The following FRMD8 variants were observed in gnomAD, a reference collection of about 807,000 sequenced individuals.
The protein encoded by FRMD8 is FERM domain containing 8, also known as FERM domain-containing protein 8.
Under a neutral mutation model 54.2 loss-of-function variants are expected in FRMD8, and 37 were observed. The observed-to-expected ratio is 0.68, with a 90% CI of 0.53 to 0.90. The LOEUF is 0.90. Ranked by LOEUF, FRMD8 falls within the 40% of genes least tolerant of loss-of-function variation. The probability of loss-of-function intolerance (pLI) is 0.00; values close to 1 mark genes in which losing one functional copy is unlikely to be tolerated. For synonymous variants in FRMD8, 246 were observed against 286.9 expected (o/e 0.86, Z 1.44); for missense variants, 585 against 653.7 (o/e 0.89, Z 1.15).
chr11:65,401,217 C>CTT (rs1856071459), intron 9 of FRMD8, among the ~76,000 whole-genome samples: 1 of 152,010 alleles, frequency 6.6e-6, no homozygotes, highest in Non-Finnish European at 1.5e-5. Flanking sequence ...CTGCGGTGGG[C>CTT]GTGGAAACGT....
At chr11:65,370,624 C>T in the FRMD8 span, among the ~76,000 whole-genome samples, 3 of 151,534 alleles carry the variant, frequency 2.0e-5, no homozygotes, top group Admixed American at 6.6e-5. Flanking sequence ...TGCTTAAACC[C>T]GGGAAGCAGA....
the FRMD8 span, chr11:65,380,609 C>A: frequency 7.7e-7 from 1 of 1,293,306 alleles, no homozygotes; most frequent in Non-Finnish European, 1.0e-6. Flanking sequence ...CTGCTGCCAG[C>A]TGGCCACGCA....
chr11:65,405,722 G>A (rs913121382), intron 10 of FRMD8, among the ~76,000 whole-genome samples: 8 of 152,086 alleles, frequency 5.3e-5, no homozygotes, highest in Non-Finnish European at 1.0e-4. Context: ...TACCCAGGCC[G>A]GGTGCAGTGT....
the FRMD8 span, chr11:65,378,230 A>G: frequency 6.6e-6 from 1 of 152,168 alleles, no homozygotes; most frequent in African/African-American, 2.4e-5. Flanking sequence ...GGAGTGTCAG[A>G]TGCCATTTCA....
rs1178375814 is a variant in FRMD8, at chr11:65,400,940, C to G, written c.1071+73C>G. 23 of 1,480,124 alleles carry G rather than the reference C, an allele frequency of 1.6e-5. No individual in the cohort carries two copies. Among genetic ancestry groups the G allele is most frequent in the Admixed American group, 2.3e-5 (1 of 43,678 alleles). The allele number at this position is 1,480,124 out of a possible 1,614,324, so 91.7% of individuals were successfully genotyped here. On this transcript the variant is annotated intron_variant, in intron 9 of 10. Transcript: ENST00000317568. The surrounding 1 kb of genome is among the most constrained non-coding windows in gnomAD (Gnocchi z 4.3). ...GCCCTGGGTCCCAGACAATTAGAGG[C>G]ACCAGGCTGGCGGGCAAGGAGGTGA...
At chr11:65,394,646 G>A (rs1318562339) in intron 6 of FRMD8, among the ~76,000 whole-genome samples, 2 of 152,214 alleles carry the variant, frequency 1.3e-5, no homozygotes, top group Non-Finnish European at 2.9e-5. Context: ...GTGAAGTCTG[G>A]GAGAAGAATC....
chr11:65,380,074 C>A, the FRMD8 span: 1 of 1,585,834 alleles, frequency 6.3e-7, no homozygotes, highest in Non-Finnish European at 8.7e-7. Flanking sequence ...TCTCAGGGCA[C>A]CCTGACATTT....
chr11:65,390,865 C>T (rs530317445), intron 3 of FRMD8, among the ~76,000 whole-genome samples: 8 of 152,256 alleles, frequency 5.3e-5, no homozygotes, highest in South Asian at 2.1e-4. Flanking sequence ...CTCCCACGGC[C>T]GGAGGCCGTG....
chr11:65,398,570 G>C (rs1308682945), intron 7 of FRMD8, among the ~76,000 whole-genome samples: 1 of 152,268 alleles, frequency 6.6e-6, no homozygotes, highest in Non-Finnish European at 1.5e-5. Flanking sequence ...GCTGGCGATG[G>C]ATGTGGGCTC....
Position 65,413,193 on chromosome 11 carries a change from T to TG in FRMD8, c.*1835dup, listed in dbSNP as rs1175661290. 6.6e-6 allele frequency: 1 copy of TG among 152,210 alleles called. No individual in the cohort carries two copies. Among genetic ancestry groups the TG allele is most frequent in the African/African-American group, 2.4e-5 (1 of 41,432 alleles). The allele number at this position is 152,210 out of a possible 1,614,324, so 9.4% of individuals were successfully genotyped here. Reference sequence around the variant, plus strand: ...TAGTAGAGATAGGGTTTCACCATGTTGGTCAGGCTGGTCGTGAACTCCTGA... The same window carrying TG: ...TAGTAGAGATAGGGTTTCACCATGTTGGGTCAGGCTGGTCGTGAACTCCTGA... On this transcript the variant is annotated 3_prime_UTR_variant, in exon 11 of 11. Coordinates refer to ENST00000317568, the MANE Select transcript of FRMD8 (RefSeq NM_031904.5).
chr11:65,383,739 C>G (rs1463832519), upstream of FRMD8: 1 of 116,576 alleles, frequency 8.6e-6, no homozygotes, highest in Non-Finnish European at 1.6e-5. Flanking sequence ...GCCTGGGCAA[C>G]AGAGCGAGAC....
chr11:65,399,676 G>T, intron 7 of FRMD8, 60 bp from the exon 8 acceptor site: 1 of 1,587,056 alleles, frequency 6.3e-7, no homozygotes, highest in South Asian at 1.1e-5. Flanking sequence ...TTGGGGCCTC[G>T]AGCAGCCTCC....
chr11:65,393,536 G>A lies in FRMD8; in HGVS notation c.254-37G>A, dbSNP rs562791702. ...TGGAAGGGCAGCCACTGGACTGGCCGGAGGCTGCATGGGCCACTCCCCATC... is the reference window on the plus strand; with the variant it reads ...TGGAAGGGCAGCCACTGGACTGGCCAGAGGCTGCATGGGCCACTCCCCATC... On this transcript the variant is annotated intron_variant, in intron 3 of 10. Transcript: ENST00000317568. 1.8e-5 allele frequency: 28 copies of A among 1,514,056 alleles called. No homozygotes were observed. In the Admixed American group the frequency reaches 2.8e-4, roughly 15 times the overall value. 93.8% of individuals were successfully genotyped at this position (1,514,056 alleles called of 1,614,324 possible).
intron 10 of FRMD8, among the ~76,000 whole-genome samples, chr11:65,407,281 T>G (rs1856222208): frequency 6.6e-6 from 1 of 151,802 alleles, no homozygotes; most frequent in African/African-American, 2.4e-5. Context: ...AGACAGAGTC[T>G]CGCTCTGTCA....
In FRMD8 at chr11:65,400,994, C is replaced by A; in HGVS notation, c.1071+127C>A. On this transcript the variant is annotated intron_variant, in intron 9 of 10. Coordinates refer to ENST00000317568, the MANE Select transcript of FRMD8 (RefSeq NM_031904.5). The surrounding 1 kb of genome is among the most constrained non-coding windows in gnomAD (Gnocchi z 4.3). ...GCTGCCTTGGGCCTGAGGATGAAAG[C>A]GGCCTGGGCACAAGGGGTGCCTTGA... is the stretch of plus-strand genomic sequence containing the variant. 2 of 1,096,804 alleles carry A rather than the reference C, an allele frequency of 1.8e-6. No individual in the cohort carries two copies. Among genetic ancestry groups the A allele is most frequent in the Non-Finnish European group, 2.5e-6 (2 of 787,790 alleles). The allele number at this position is 1,096,804 out of a possible 1,614,324, so 67.9% of individuals were successfully genotyped here.
intron 4 of FRMD8, 69 bp from the exon 5 acceptor site, chr11:65,393,972 G>T: frequency 6.5e-7 from 1 of 1,548,760 alleles, no homozygotes; most frequent in South Asian, 1.1e-5. Flanking sequence ...CCAGGGCCTG[G>T]GCCAATCGGG....
chr11:65,380,454 G>A, the FRMD8 span: 11 of 1,148,200 alleles, frequency 9.6e-6, no homozygotes, highest in East Asian at 2.8e-5. Context: ...AAAGACGTAC[G>A]TGTCCTCGCT....
chr11:65,397,907 G>A (rs1200070808), intron 7 of FRMD8, among the ~76,000 whole-genome samples: 2 of 140,130 alleles, frequency 1.4e-5, no homozygotes, highest in Admixed American at 7.7e-5. Context: ...ATGGAGTATC[G>A]CTCTTGTTGC....
chr11:65,391,255 G>A (rs1855840302), intron 3 of FRMD8, among the ~76,000 whole-genome samples: 1 of 152,250 alleles, frequency 6.6e-6, no homozygotes, highest in Non-Finnish European at 1.5e-5. Flanking sequence ...ATCTGGAAGT[G>A]TCTGGGACTG....
Sources: allele counts gnomAD v4.1 joint callset (sites outside exome capture counted in the v4.1 genomes callset), GRCh38; gene constraint gnomAD v4.1.1; non-coding constraint Gnocchi (gnomAD v3.1); transcripts MANE v1.5; gene names NCBI Gene and HGNC (gene_info 2026-07-23, HGNC 2026-07-21).